Variants in SMARCAL1 observed in about 807,000 individuals in gnomAD.
SMARCAL1 encodes ATP-driven annealing helicase.
A neutral mutation model predicts 94.5 loss-of-function variants in SMARCAL1; 58 were observed. The observed-to-expected ratio is 0.61, with a 90% CI of 0.50 to 0.76. The LOEUF is 0.76. Ranked by LOEUF, SMARCAL1 falls within the 30% of genes least tolerant of loss-of-function variation. The pLI is 0.00. For missense variants in SMARCAL1, 1,051 were observed against 1,177.9 expected (o/e 0.89, Z 1.58); for synonymous variants, 422 against 455.1 (o/e 0.93, Z 0.93).
intron 10 of SMARCAL1, among the ~76,000 whole-genome samples, chr2:216,443,009 A>G (rs754363479): frequency 6.6e-6 from 1 of 152,188 alleles, no homozygotes; most frequent in Non-Finnish European, 1.5e-5. Context: ...CACTTTCATT[A>G]CATAATCAGA....
intron 5 of SMARCAL1, among the ~76,000 whole-genome samples, chr2:216,422,528 A>G (rs1693747300): frequency 6.6e-6 from 1 of 152,168 alleles, no homozygotes; most frequent in South Asian, 2.1e-4. Flanking sequence ...CCTTTGCCTT[A>G]GCTGTTGTTC....
At chr2:216,434,171 C>T (rs549908360) in intron 8 of SMARCAL1, among the ~76,000 whole-genome samples, 95 of 151,966 alleles carry the variant, frequency 6.3e-4, no homozygotes, top group South Asian at 4.2e-3. Context: ...GTTAGGTTCC[C>T]ACAGCACCCT....
intron 11 of SMARCAL1, among the ~76,000 whole-genome samples, chr2:216,449,561 A>G (rs1271090396): frequency 6.6e-6 from 1 of 152,182 alleles, no homozygotes; most frequent in African/African-American, 2.4e-5. Flanking sequence ...ACAACATTTT[A>G]TTCCTCCACC....
intron 4 of SMARCAL1, among the ~76,000 whole-genome samples, chr2:216,417,064 G>A (rs539956875): frequency 2.0e-5 from 3 of 152,210 alleles, no homozygotes; most frequent in South Asian, 2.1e-4. Context: ...TTTCTACACC[G>A]TCTCTTCCTC....
At chr2:216,464,229 G>A (rs1231446021) in intron 12 of SMARCAL1, among the ~76,000 whole-genome samples, 1 of 152,142 alleles carries the variant, frequency 6.6e-6, no homozygotes, top group Non-Finnish European at 1.5e-5. Flanking sequence ...TTGTCACCAG[G>A]CTGTAGTAAA....
chr2:216,416,330 C>A (rs200684175), intron 4 of SMARCAL1, 23 bp downstream of exon 4: 10 of 1,597,720 alleles, frequency 6.3e-6, no homozygotes, highest in Admixed American at 1.7e-5. Context: ...ATGGTTGTCT[C>A]ATGGAGGGTG....
intron 12 of SMARCAL1, chr2:216,451,432 T>C (rs1457050211): frequency 2.2e-5 from 7 of 317,756 alleles, no homozygotes; most frequent in Non-Finnish European, 3.7e-5. Context: ...AGTCCTAACA[T>C]GTTTGATACA....
chr2:216,439,061 C>G (rs1234238514), intron 10 of SMARCAL1, among the ~76,000 whole-genome samples: 1 of 152,162 alleles, frequency 6.6e-6, no homozygotes, highest in Non-Finnish European at 1.5e-5. Flanking sequence ...TTTTCTGTGG[C>G]TACCCTGAGC....
At chr2:216,479,540 A>G (rs1695154862) in intron 17 of SMARCAL1, among the ~76,000 whole-genome samples, 1 of 150,938 alleles carries the variant, frequency 6.6e-6, no homozygotes, top group South Asian at 2.1e-4. Flanking sequence ...ATTCACTTAC[A>G]TTTATTTAGC....
chr2:216,438,971 A>G (rs1694138529), intron 10 of SMARCAL1, among the ~76,000 whole-genome samples: 1 of 152,176 alleles, frequency 6.6e-6, no homozygotes, highest in Non-Finnish European at 1.5e-5. Context: ...TCAACCTAAT[A>G]CAAACAGAAC....
chr2:216,477,862 G>A (rs1374508950), intron 16 of SMARCAL1, among the ~76,000 whole-genome samples: 2 of 152,086 alleles, frequency 1.3e-5, no homozygotes, highest in African/African-American at 4.8e-5. Context: ...TGCAATGTGT[G>A]TGGGTCACTC....
intron 15 of SMARCAL1, among the ~76,000 whole-genome samples, chr2:216,476,009 C>G (rs1371274472): frequency 6.6e-6 from 1 of 151,942 alleles, no homozygotes; most frequent in Non-Finnish European, 1.5e-5. Flanking sequence ...AGCCTGTGCC[C>G]CCTTTAGTAG....
intron 5 of SMARCAL1, among the ~76,000 whole-genome samples, chr2:216,423,109 G>A (rs1429667730): frequency 1.3e-5 from 2 of 152,180 alleles, no homozygotes; most frequent in Non-Finnish European, 2.9e-5. Flanking sequence ...ACAGTGACTT[G>A]CCCAAGGTGA....
At chr2:216,479,473 G>C (rs1695153951) in intron 17 of SMARCAL1, among the ~76,000 whole-genome samples, 1 of 151,276 alleles carries the variant, frequency 6.6e-6, no homozygotes, top group Non-Finnish European at 1.5e-5. Flanking sequence ...AAATAAATAA[G>C]AAGTTGAGTT....
Position 216,415,203 on chromosome 2 carries a change from C to T in SMARCAL1, c.499C>T (p.Leu167=), listed in dbSNP as rs2106014899. ...CTTTGCTAACCCAACTCATAAGCCTCTGGCCAAACCAAAGAGTTCCCAAGA... is the reference window on the plus strand; with the variant it reads ...CTTTGCTAACCCAACTCATAAGCCTTTGGCCAAACCAAAGAGTTCCCAAGA... ...TPFANPTHKP[L]AKPKSSQETP... The change falls in exon 3 of 18, where the codon CTG becomes TTG. Residue 167 remains leucine (L), a synonymous_variant. Transcript: ENST00000357276. The T allele has an allele frequency of 2.5e-6, 4 of 1,614,124 alleles. No homozygotes were observed. Among genetic ancestry groups the T allele is most frequent in the Non-Finnish European group, 3.4e-6 (4 of 1,179,990 alleles).
intron 11 of SMARCAL1, 127 bp from the exon 12 acceptor site, chr2:216,450,719 T>G: frequency 1.4e-6 from 1 of 693,396 alleles, no homozygotes; most frequent in Non-Finnish European, 2.6e-6. Context: ...TCCCTGTAAG[T>G]CACTTGAAGT....
At chr2:216,476,079 C>T (rs1394813241) in intron 15 of SMARCAL1, among the ~76,000 whole-genome samples, 1 of 152,110 alleles carries the variant, frequency 6.6e-6, no homozygotes, top group Non-Finnish European at 1.5e-5. Context: ...GTGAGGGTTT[C>T]CTGGACACCA....
intron 12 of SMARCAL1, among the ~76,000 whole-genome samples, chr2:216,460,580 G>A (rs562782202): frequency 8.5e-5 from 12 of 141,882 alleles, no homozygotes; most frequent in East Asian, 2.1e-4. Flanking sequence ...GCAAACTATC[G>A]CAAGGACAAA....
intron 12 of SMARCAL1, among the ~76,000 whole-genome samples, chr2:216,452,901 C>T (rs1694481222): frequency 6.6e-6 from 1 of 152,104 alleles, no homozygotes. Context: ...ATGAAATTAA[C>T]TAGGAGGTAC....
Sources: allele counts gnomAD v4.1 joint callset (sites outside exome capture counted in the v4.1 genomes callset), GRCh38; gene constraint gnomAD v4.1.1; transcripts MANE v1.5; gene names NCBI Gene and HGNC (gene_info 2026-07-23, HGNC 2026-07-21).